Variants in CDH13 observed in about 807,000 individuals in gnomAD.
CDH13 encodes the protein cadherin-13.
In CDH13, 24 loss-of-function variants were observed where a neutral mutation model predicts 63.8. The observed-to-expected ratio is 0.38, with a 90% CI of 0.27 to 0.53. CDH13 has a LOEUF of 0.53. CDH13 is among the 20% of genes least tolerant of loss of function. The pLI is 0.85. For synonymous variants in CDH13, 503 were observed against 355.3 expected (o/e 1.42, Z -4.67); for missense variants, 1,049 against 903.1 (o/e 1.16, Z -2.07).
intron 1 of CDH13, among the ~76,000 whole-genome samples, chr16:82,791,974 G>A (rs145926949): frequency 6.6e-6 from 1 of 152,166 alleles, no homozygotes. Context: ...AGACCCGCCC[G>A]TATCATGGGG....
chr16:83,724,118 AGTGATGAATGCATGGGTGG>A (rs1247993188), intron 10 of CDH13, among the ~76,000 whole-genome samples: 2,613 of 141,208 alleles, frequency 0.019, 62 homozygotes, highest in African/African-American at 0.066. Context: ...TGTATGGGTG[AGTGATGAATGCATGGGTGG>A]GTGATGAATG....
chr16:83,602,539 C>G lies in CDH13; in HGVS notation c.1046C>G (p.Ala349Gly). 1.2e-6 allele frequency: 2 copies of G among 1,613,974 alleles called. No homozygotes were observed. The highest frequency in any genetic ancestry group is 1.7e-6 in the Non-Finnish European group (2 of 1,179,852). The change falls in exon 8 of 14, where the codon GCC becomes GGC. Residue 349 changes from alanine (A) to glycine (G), a missense_variant. Coordinates refer to ENST00000567109, the MANE Select transcript of CDH13 (RefSeq NM_001257.5). ...GTTGGATTAACAGGCACGGCCACAGCCACGATCATGATCGATGACAAAAAT... is the reference window on the plus strand; with the variant it reads ...GTTGGATTAACAGGCACGGCCACAGGCACGATCATGATCGATGACAAAAAT... Reference protein sequence around the residue: ...LDVGLTGTATATIMIDDKNDH... With the variant: ...LDVGLTGTATGTIMIDDKNDH...
At chr16:82,900,594 C>T (rs2041430924) in intron 2 of CDH13, among the ~76,000 whole-genome samples, 1 of 152,284 alleles carries the variant, frequency 6.6e-6, no homozygotes, top group East Asian at 1.9e-4. Context: ...TGTTTGTAAG[C>T]TGCTGTGAAG....
chr16:82,800,222 T>C (rs11860282), intron 1 of CDH13, among the ~76,000 whole-genome samples: 24,511 of 152,128 alleles, frequency 0.16, 2,331 homozygotes, highest in East Asian at 0.33. Flanking sequence ...TTTGAGATTA[T>C]GACAAAAAAT....
In CDH13 at chr16:83,059,918, C is replaced by T. The variant is rs553911295; in HGVS notation, c.366+27700C>T. ...TCGCCATTCTCCTGCCTCAGCCTCCCGAGTAGCTGGGACTACAGGTGCCCG... is the reference window on the plus strand; with the variant it reads ...TCGCCATTCTCCTGCCTCAGCCTCCTGAGTAGCTGGGACTACAGGTGCCCG... On this transcript the variant is annotated intron_variant, in intron 3 of 13. Coordinates refer to ENST00000567109, the MANE Select transcript of CDH13 (RefSeq NM_001257.5). Among the ~76,000 whole-genome samples, 108 of 151,522 alleles carry T rather than the reference C, an allele frequency of 7.1e-4. 1 individual carries two copies. Among genetic ancestry groups the T allele is most frequent in the African/African-American group, 2.6e-3 (108 of 41,288 alleles).
chr16:83,579,092 C>A (rs1250755130), intron 7 of CDH13, among the ~76,000 whole-genome samples: 1 of 152,194 alleles, frequency 6.6e-6, no homozygotes, highest in South Asian at 2.1e-4. Flanking sequence ...GTTATAAACA[C>A]AGAGAAAGTT....
At chr16:82,902,899 C>T (rs145904989) in intron 2 of CDH13, among the ~76,000 whole-genome samples, 6 of 152,202 alleles carry the variant, frequency 3.9e-5, no homozygotes, top group East Asian at 1.9e-4. Flanking sequence ...ATGGAAAGGG[C>T]GAAGTCTGGG....
At chr16:83,234,881 C>G (rs2151807593) in intron 5 of CDH13, among the ~76,000 whole-genome samples, 1 of 152,210 alleles carries the variant, frequency 6.6e-6, no homozygotes, top group Admixed American at 6.5e-5. Context: ...AGAGCCCAAG[C>G]TCCACACACT....
chr16:82,681,567 A>G (rs1041379860), intron 1 of CDH13, among the ~76,000 whole-genome samples: 3 of 152,204 alleles, frequency 2.0e-5, no homozygotes, highest in African/African-American at 7.2e-5. Flanking sequence ...CCTCTTACTC[A>G]TTTTCTGAGC....
At chr16:83,703,904 C>T (rs1189830791) in intron 10 of CDH13, among the ~76,000 whole-genome samples, 2 of 152,218 alleles carry the variant, frequency 1.3e-5, no homozygotes, top group Non-Finnish European at 2.9e-5. Flanking sequence ...GCCACCGTAA[C>T]ATCCATTCAA....
intron 6 of CDH13, among the ~76,000 whole-genome samples, chr16:83,434,445 G>T (rs944040439): frequency 1.3e-5 from 2 of 152,018 alleles, no homozygotes; most frequent in African/African-American, 4.8e-5. Context: ...TCTCTGGCGT[G>T]GTCCAGCCCT....
At chr16:82,785,525 C>A (rs558383086) in intron 1 of CDH13, among the ~76,000 whole-genome samples, 1 of 152,136 alleles carries the variant, frequency 6.6e-6, no homozygotes, top group African/African-American at 2.4e-5. Context: ...GAGAGAGGTA[C>A]AAGATAAATC....
intron 2 of CDH13, among the ~76,000 whole-genome samples, chr16:83,024,292 G>A (rs1334252097): frequency 6.6e-6 from 1 of 151,940 alleles, no homozygotes; most frequent in Non-Finnish European, 1.5e-5. Context: ...ATATTTATTT[G>A]AAAAAATACC....
At chr16:82,994,882 G>A (rs138306839) in intron 2 of CDH13, among the ~76,000 whole-genome samples, 1 of 152,224 alleles carries the variant, frequency 6.6e-6, no homozygotes, top group East Asian at 1.9e-4. Context: ...AGAGACAGAT[G>A]GGTTTCATTT....
chr16:83,233,866 G>T (rs1411890825), intron 5 of CDH13, among the ~76,000 whole-genome samples: 1 of 152,142 alleles, frequency 6.6e-6, no homozygotes, highest in Non-Finnish European at 1.5e-5. Context: ...ATCTCTGGGG[G>T]CCGCTATTCT....
chr16:83,619,710 G>A (rs1429023234), intron 8 of CDH13, among the ~76,000 whole-genome samples: 1 of 152,226 alleles, frequency 6.6e-6, no homozygotes, highest in South Asian at 2.1e-4. Flanking sequence ...CTTTGCAGAA[G>A]GACACCAGTC....
chr16:82,720,107 A>G (rs2032668263), intron 1 of CDH13, among the ~76,000 whole-genome samples: 1 of 152,182 alleles, frequency 6.6e-6, no homozygotes, highest in Admixed American at 6.5e-5. Flanking sequence ...ACATTTAAGA[A>G]AGATGAATAA....
intron 5 of CDH13, among the ~76,000 whole-genome samples, chr16:83,246,224 T>A (rs1301663637): frequency 1.3e-5 from 2 of 152,230 alleles, no homozygotes; most frequent in African/African-American, 4.8e-5. Flanking sequence ...TCCACTAACT[T>A]TTCCAAGAGG....
intron 1 of CDH13, among the ~76,000 whole-genome samples, chr16:82,659,905 T>C (rs1911736584): frequency 6.6e-6 from 1 of 152,034 alleles, no homozygotes; most frequent in African/African-American, 2.4e-5. Context: ...AATCCAAAAA[T>C]GTCTCCAGAC....
Sources: allele counts gnomAD v4.1 joint callset (sites outside exome capture counted in the v4.1 genomes callset), GRCh38; gene constraint gnomAD v4.1.1; transcripts MANE v1.5; gene names NCBI Gene and HGNC (gene_info 2026-07-23, HGNC 2026-07-21).